Variants in PPFIA2 observed in about 807,000 individuals in gnomAD.
PPFIA2 encodes liprin-alpha-2.
In PPFIA2, 46 loss-of-function variants were observed where a neutral mutation model predicts 175.5. That is an observed-to-expected ratio of 0.26 (90% CI 0.21 to 0.34). The LOEUF (loss-of-function observed/expected upper bound fraction) is 0.34. Ranked by LOEUF, PPFIA2 falls within the 10% of genes least tolerant of loss-of-function variation. The pLI, the probability that PPFIA2 is intolerant of heterozygous loss-of-function variation, is 1.00. For synonymous variants in PPFIA2, 568 were observed against 511.4 expected, an observed-to-expected ratio of 1.11 and a Z score of -1.49; for missense variants, 1,179 against 1,506.1, an observed-to-expected ratio of 0.78 and a Z score of 3.60.
intron 4 of PPFIA2, among the ~76,000 whole-genome samples, chr12:81,611,122 C>T (rs183189818): frequency 4.6e-5 from 7 of 152,214 alleles, no homozygotes; most frequent in African/African-American, 1.4e-4. Context: ...AAAGATGGCT[C>T]GCTCACCATG....
At chr12:81,364,141 G>A (rs759168397) in intron 14 of PPFIA2, among the ~76,000 whole-genome samples, 20 of 151,832 alleles carry the variant, frequency 1.3e-4, no homozygotes, top group Non-Finnish European at 2.1e-4. Context: ...CTTAGGAAAA[G>A]GCATGGCAGA....
At chr12:81,729,789 C>T (rs1382989574) in intron 3 of PPFIA2, among the ~76,000 whole-genome samples, 2 of 151,368 alleles carry the variant, frequency 1.3e-5, no homozygotes, top group African/African-American at 2.4e-5. Context: ...CTGATCAGAC[C>T]ATTGTTGGTT....
intron 29 of PPFIA2, 65 bp from the exon 30 acceptor site, chr12:81,267,085 T>G (rs1233383693): frequency 8.6e-7 from 1 of 1,166,508 alleles, no homozygotes; most frequent in Non-Finnish European, 1.3e-6. Context: ...TCAAGTAGCT[T>G]ATATTTATCT....
At chr12:81,733,098 T>C (rs2081130850) in intron 3 of PPFIA2, among the ~76,000 whole-genome samples, 1 of 151,626 alleles carries the variant, frequency 6.6e-6, no homozygotes, top group Non-Finnish European at 1.5e-5. Flanking sequence ...CAATCTTTTA[T>C]TGTCTCTATA....
intron 7 of PPFIA2, among the ~76,000 whole-genome samples, chr12:81,425,596 C>T (rs1251672580): frequency 1.3e-5 from 2 of 152,084 alleles, no homozygotes; most frequent in South Asian, 2.1e-4. Flanking sequence ...TCAAAGGTCT[C>T]GAAATCCTGA....
chr12:81,351,836 T>C (rs1213374188), intron 17 of PPFIA2, among the ~76,000 whole-genome samples: 1 of 150,862 alleles, frequency 6.6e-6, no homozygotes, highest in Non-Finnish European at 1.5e-5. Flanking sequence ...GACTGGGAGG[T>C]TGTGGGCTGC....
At chr12:81,666,115 G>A (rs2070200037) in intron 4 of PPFIA2, among the ~76,000 whole-genome samples, 2 of 152,088 alleles carry the variant, frequency 1.3e-5, no homozygotes, top group African/African-American at 4.8e-5. Flanking sequence ...GAAACAACAG[G>A]TGCTGGAGAG....
At chr12:81,261,914 T>C in intron 32 of PPFIA2, 35 bp downstream of exon 32, 2 of 477,052 alleles carry the variant, frequency 4.2e-6, no homozygotes, top group Admixed American at 4.8e-5. Flanking sequence ...TTTTTTTGTC[T>C]TTTTTTTTTT....
chr12:81,565,841 G>A (rs1405286364), intron 4 of PPFIA2, among the ~76,000 whole-genome samples: 5 of 152,124 alleles, frequency 3.3e-5, no homozygotes, highest in African/African-American at 7.2e-5. Flanking sequence ...CATGGGTAAT[G>A]CCACAAATAT....
At chr12:81,423,299 G>A (rs1400633961) in intron 7 of PPFIA2, among the ~76,000 whole-genome samples, 3 of 151,986 alleles carry the variant, frequency 2.0e-5, no homozygotes, top group Non-Finnish European at 4.4e-5. Flanking sequence ...TACTACAAGA[G>A]AATAAAATTA....
At chr12:81,590,118 C>G (rs892214206) in intron 4 of PPFIA2, among the ~76,000 whole-genome samples, 2 of 152,252 alleles carry the variant, frequency 1.3e-5, no homozygotes, top group East Asian at 1.9e-4. Context: ...CTGATTCTCT[C>G]TCTTGGCTGG....
chr12:81,420,435 A>C (rs1330684235), intron 7 of PPFIA2, among the ~76,000 whole-genome samples: 1 of 152,140 alleles, frequency 6.6e-6, no homozygotes, highest in African/African-American at 2.4e-5. Context: ...GAAAATAATC[A>C]GCAGAACAAT....
At chr12:81,410,091 G>A (rs934880512) in intron 7 of PPFIA2, among the ~76,000 whole-genome samples, 2 of 152,044 alleles carry the variant, frequency 1.3e-5, no homozygotes, top group Non-Finnish European at 1.5e-5. Flanking sequence ...ATGTGAGGAC[G>A]CATTGTTCAG....
At chr12:81,265,706 T>C (rs1438638418) in intron 30 of PPFIA2, among the ~76,000 whole-genome samples, 1 of 152,180 alleles carries the variant, frequency 6.6e-6, no homozygotes, top group African/African-American at 2.4e-5. Flanking sequence ...ACGAGTCGCA[T>C]CTCGTTTAAT....
At chr12:81,456,397 C>T (rs2053575775) in intron 5 of PPFIA2, among the ~76,000 whole-genome samples, 1 of 152,128 alleles carries the variant, frequency 6.6e-6, no homozygotes, top group Non-Finnish European at 1.5e-5. Context: ...TGTGAATTCT[C>T]TTTACCATGA....
At chr12:81,700,430 C>A (rs748418061) in intron 3 of PPFIA2, among the ~76,000 whole-genome samples, 4 of 151,824 alleles carry the variant, frequency 2.6e-5, no homozygotes. Flanking sequence ...TTTTGTCTAC[C>A]AAATATAAAA....
intron 7 of PPFIA2, among the ~76,000 whole-genome samples, chr12:81,417,781 T>G (rs1009660683): frequency 4.0e-5 from 6 of 151,760 alleles, no homozygotes; most frequent in Non-Finnish European, 5.9e-5. Flanking sequence ...ACTTAAGTGG[T>G]CTTTACACCC....
At chr12:81,561,410 A>G (rs1234446001) in intron 4 of PPFIA2, among the ~76,000 whole-genome samples, 3 of 152,164 alleles carry the variant, frequency 2.0e-5, no homozygotes, top group Non-Finnish European at 4.4e-5. Context: ...TCATGCTTCA[A>G]AAACTTACAA....
chr12:81,728,295 A>G (rs906503711), intron 3 of PPFIA2, among the ~76,000 whole-genome samples: 1 of 151,426 alleles, frequency 6.6e-6, no homozygotes, highest in African/African-American at 2.4e-5. Context: ...GCTATTTAAA[A>G]TAGTCATGAC....
Sources: allele counts gnomAD v4.1 joint callset (sites outside exome capture counted in the v4.1 genomes callset), GRCh38; gene constraint gnomAD v4.1.1; transcripts MANE v1.5; gene names NCBI Gene and HGNC (gene_info 2026-07-23, HGNC 2026-07-21).